TBC1D5: variants seen among roughly 807,000 people sequenced by gnomAD.
TBC1D5 encodes the protein TBC1 domain family member 5.
In TBC1D5, 75 loss-of-function variants were observed where a neutral mutation model predicts 100.3. The ratio of observed to expected loss-of-function variants is 0.75; its 90% confidence interval spans 0.62 to 0.91. TBC1D5 has a LOEUF of 0.91. TBC1D5 is among the 40% of genes least tolerant of loss of function. TBC1D5 has a pLI of 0.00. For synonymous variants in TBC1D5, 323 were observed against 325.6 expected (o/e 0.99, Z 0.09); for missense variants, 910 against 942.4 (o/e 0.97, Z 0.45).
At chr3:17,219,544 A>G (rs1168622528) in intron 17 of TBC1D5, among the ~76,000 whole-genome samples, 2 of 151,672 alleles carry the variant, frequency 1.3e-5, no homozygotes, top group African/African-American at 4.8e-5. Flanking sequence ...ATATGTGGCA[A>G]TTCTGGGAAT....
intron 15 of TBC1D5, among the ~76,000 whole-genome samples, chr3:17,265,470 C>T (rs1308704146): frequency 6.6e-6 from 1 of 151,898 alleles, no homozygotes; most frequent in Non-Finnish European, 1.5e-5. Context: ...ATATGTCGAA[C>T]GTTCCTCTTT....
intron 8 of TBC1D5, among the ~76,000 whole-genome samples, chr3:17,391,912 C>T (rs2093362113): frequency 6.6e-6 from 1 of 152,012 alleles, no homozygotes; most frequent in South Asian, 2.1e-4. Context: ...ATTTATGTTA[C>T]TTATAGTAGA....
At chr3:17,690,905 C>T (rs575579738) in intron 1 of TBC1D5, among the ~76,000 whole-genome samples, 4 of 151,944 alleles carry the variant, frequency 2.6e-5, no homozygotes, top group South Asian at 2.1e-4. Flanking sequence ...TCCAGCAGTA[C>T]GTAAAGCTAG....
chr3:17,461,421 C>T (rs535509208), intron 3 of TBC1D5, among the ~76,000 whole-genome samples: 3 of 152,188 alleles, frequency 2.0e-5, no homozygotes, highest in Non-Finnish European at 4.4e-5. Flanking sequence ...CTGATAGTTA[C>T]TGAATGTTCT....
intron 3 of TBC1D5, among the ~76,000 whole-genome samples, chr3:17,458,913 T>C (rs998366360): frequency 6.6e-6 from 1 of 152,212 alleles, no homozygotes; most frequent in African/African-American, 2.4e-5. Context: ...TTTGCATGCA[T>C]TGGTACCTTC....
chr3:17,380,848 A>G (rs141784108), intron 9 of TBC1D5, among the ~76,000 whole-genome samples: 168 of 152,248 alleles, frequency 1.1e-3, no homozygotes, highest in African/African-American at 3.9e-3. Context: ...TCAGCAAGAC[A>G]TTCTACTACA....
At chr3:17,220,675 T>C (rs2074171210) in intron 17 of TBC1D5, among the ~76,000 whole-genome samples, 1 of 152,164 alleles carries the variant, frequency 6.6e-6, no homozygotes, top group African/African-American at 2.4e-5. Context: ...TTTCTCCTTT[T>C]TTCCATGAAT....
intron 1 of TBC1D5, among the ~76,000 whole-genome samples, chr3:17,715,931 A>G (rs1328159525): frequency 6.6e-6 from 1 of 152,172 alleles, no homozygotes; most frequent in East Asian, 1.9e-4. Flanking sequence ...ACATGCCTGT[A>G]GTCCCAGTTA....
At chr3:17,445,082 C>T (rs903868365) in intron 3 of TBC1D5, among the ~76,000 whole-genome samples, 1 of 152,106 alleles carries the variant, frequency 6.6e-6, no homozygotes, top group African/African-American at 2.4e-5. Flanking sequence ...CTGTTTTCCC[C>T]TTATCAGTGG....
At position 17,651,782 on chromosome 3, in the gene TBC1D5, T is replaced by A. The variant is rs752273778; in HGVS notation, c.-100-27869A>T. On this transcript the variant is annotated intron_variant, in intron 1 of 21. Transcript: ENST00000253692. ...ACAGTATTCATGTCAATATCATATA[T>A]CCATTGTTAGGTGAGGAGAAGGTCA... Among the ~76,000 whole-genome samples the A allele has an allele frequency of 3.7e-4, 57 of 152,198 alleles. No homozygotes were observed. In the Middle Eastern group the frequency reaches 0.014, roughly 36 times the overall value.
At chr3:17,480,891 G>T (rs7427885) in intron 3 of TBC1D5, among the ~76,000 whole-genome samples, 9,247 of 152,284 alleles carry the variant, frequency 0.061, 545 homozygotes, top group African/African-American at 0.15. Flanking sequence ...CTTCCTGGAT[G>T]CAGGACAAGA....
At chr3:17,457,637 T>G (rs1455876937) in intron 3 of TBC1D5, among the ~76,000 whole-genome samples, 1 of 152,234 alleles carries the variant, frequency 6.6e-6, no homozygotes, top group African/African-American at 2.4e-5. Context: ...ATGGGACAGT[T>G]CCACCATATA....
At chr3:17,233,152 T>C (rs2075559346) in intron 17 of TBC1D5, among the ~76,000 whole-genome samples, 2 of 152,304 alleles carry the variant, frequency 1.3e-5, no homozygotes, top group East Asian at 3.9e-4. Context: ...TTTAAAACCA[T>C]TGCCAGTTAC....
chr3:17,161,766 G>A (rs1292663047), intron 21 of TBC1D5, among the ~76,000 whole-genome samples: 1 of 152,226 alleles, frequency 6.6e-6, no homozygotes, highest in Non-Finnish European at 1.5e-5. Flanking sequence ...TGCCAGATCT[G>A]GAGTGATTCT....
At chr3:17,453,526 T>C (rs140383729) in intron 3 of TBC1D5, among the ~76,000 whole-genome samples, 3 of 152,062 alleles carry the variant, frequency 2.0e-5, no homozygotes, top group Non-Finnish European at 4.4e-5. Flanking sequence ...TATGAACAAC[T>C]ATAAGACAAT....
chr3:17,731,278 G>A (rs1560576092), intron 1 of TBC1D5, among the ~76,000 whole-genome samples: 1 of 151,942 alleles, frequency 6.6e-6, no homozygotes, highest in African/African-American at 2.4e-5. Flanking sequence ...CGAGGCGGGC[G>A]GATCACGAGG....
rs2076139622 is a variant in TBC1D5 at position 17,726,483 on chromosome 3, TATGC to T, written c.-101+12856_-101+12859del. 2.6e-5 allele frequency among the ~76,000 whole-genome samples: 4 copies of T among 152,358 alleles called. No individual in the cohort carries two copies. The South Asian group carries it at 8.3e-4, about 32-fold the overall frequency. On this transcript the variant is annotated intron_variant, in intron 1 of 21. Coordinates refer to ENST00000253692, the Ensembl canonical transcript of TBC1D5. The stretch of plus-strand genomic sequence containing the variant: ...ATTAATGATGCTGAGCATTTATTCA[TATGC>T]TTATGGCTGCATATGTATGTCTTCT...
At chr3:17,408,527 T>C (rs544846659) in intron 4 of TBC1D5, among the ~76,000 whole-genome samples, 1 of 152,096 alleles carries the variant, frequency 6.6e-6, no homozygotes, top group African/African-American at 2.4e-5. Context: ...TATTCCTATG[T>C]TGCCCAGATT....
At chr3:17,564,311 T>C (rs1185895797) in intron 2 of TBC1D5, among the ~76,000 whole-genome samples, 2 of 152,248 alleles carry the variant, frequency 1.3e-5, no homozygotes, top group Non-Finnish European at 2.9e-5. Context: ...TCTTTCATGA[T>C]AGCCATACCC....
Sources: allele counts gnomAD v4.1 joint callset (sites outside exome capture counted in the v4.1 genomes callset), GRCh38; gene constraint gnomAD v4.1.1; transcripts MANE v1.5; gene names NCBI Gene and HGNC (gene_info 2026-07-23, HGNC 2026-07-21).